Variants in ATP10A observed in about 807,000 individuals in gnomAD.
The protein encoded by ATP10A is ATPase phospholipid transporting 10A (putative).
In ATP10A, 111 loss-of-function variants were observed where a neutral mutation model predicts 147.8. The observed-to-expected ratio is 0.75, with a 90% CI of 0.64 to 0.88. ATP10A has a LOEUF of 0.88. Among genes scored for constraint, ATP10A ranks in the 40% least tolerant of loss-of-function variants. The probability of loss-of-function intolerance (pLI) is 0.00; values close to 1 mark genes in which losing one functional copy is unlikely to be tolerated. For missense variants in ATP10A, 1,927 were observed against 1,959.0 expected (o/e 0.98, Z 0.31); for synonymous variants, 875 against 841.6 (o/e 1.04, Z -0.69).
At chr15:25,864,501 C>T (rs1258671441), upstream of ATP10A, among the ~76,000 whole-genome samples, 1 of 152,180 alleles carries the variant, frequency 6.6e-6, no homozygotes, top group Non-Finnish European at 1.5e-5. Context: ...CCCTCCCCTC[C>T]AGCACCCTGG....
intron 2 of ATP10A, among the ~76,000 whole-genome samples, chr15:25,776,539 C>T (rs1447729114): frequency 3.9e-5 from 6 of 152,240 alleles, no homozygotes; most frequent in African/African-American, 1.4e-4. Context: ...CATTGCCTGA[C>T]AGTGTGATGC....
At chr15:25,786,411 G>T (rs1031913569) in intron 1 of ATP10A, among the ~76,000 whole-genome samples, 15 of 152,144 alleles carry the variant, frequency 9.9e-5, no homozygotes, top group Non-Finnish European at 1.9e-4. Context: ...CATGAAGGCA[G>T]ACAGTCCTCT....
chr15:25,822,707 G>A (rs892800360), intron 1 of ATP10A, among the ~76,000 whole-genome samples: 1 of 152,140 alleles, frequency 6.6e-6, no homozygotes, highest in Non-Finnish European at 1.5e-5. Flanking sequence ...AGAACCTGCT[G>A]CTTAGAAAAT....
intron 1 of ATP10A, among the ~76,000 whole-genome samples, chr15:25,817,014 T>A (rs528911789): frequency 6.6e-6 from 1 of 152,326 alleles, no homozygotes; most frequent in East Asian, 1.9e-4. Context: ...ATTTAGCTAG[T>A]CTATATAATA....
chr15:25,850,562 C>T (rs1423066986), intron 1 of ATP10A, among the ~76,000 whole-genome samples: 1 of 152,154 alleles, frequency 6.6e-6, no homozygotes, highest in African/African-American at 2.4e-5. Flanking sequence ...CCATTCTACG[C>T]GGCCAGTTTT....
intron 1 of ATP10A, among the ~76,000 whole-genome samples, chr15:25,792,618 C>A (rs1001881256): frequency 2.0e-5 from 3 of 152,192 alleles, no homozygotes; most frequent in African/African-American, 4.8e-5. Flanking sequence ...ACCCCAACCC[C>A]CCAAGCACTG....
chr15:25,825,741 A>G (rs574572415), intron 1 of ATP10A, among the ~76,000 whole-genome samples: 1 of 152,190 alleles, frequency 6.6e-6, no homozygotes, highest in Non-Finnish European at 1.5e-5. Context: ...AAAAGAATTC[A>G]ATTTCCAAAG....
intron 1 of ATP10A, among the ~76,000 whole-genome samples, chr15:25,828,184 T>C (rs1306082096): frequency 3.3e-5 from 5 of 151,940 alleles, no homozygotes; most frequent in Non-Finnish European, 7.4e-5. Context: ...AAGGATGAAA[T>C]AGACAATTTA....
downstream of ATP10A, among the ~76,000 whole-genome samples, chr15:25,673,527 C>A (rs1899081955): frequency 6.6e-6 from 1 of 152,218 alleles, no homozygotes; most frequent in South Asian, 2.1e-4. Context: ...AGGACTTTCA[C>A]AAGCATGAAC....
Position 25,694,859 on chromosome 15 carries a change from C to CTTCA in ATP10A, c.3044_3047dup (p.Lys1016AsnfsTer17). The CTTCA allele has an allele frequency of 6.2e-7, 1 of 1,614,016 alleles. No homozygotes were observed. The highest frequency in any genetic ancestry group is 8.5e-7 in the Non-Finnish European group (1 of 1,179,954). ...TGGCCTTGAGCTTGCTCCGCACCAG[C>CTTCA]TTCACCACCATGCTCTTCTGCAGAG... is the stretch of plus-strand genomic sequence containing the variant. On this transcript the variant is annotated frameshift_variant, in exon 14 of 21. Coordinates refer to ENST00000555815, the MANE Select transcript of ATP10A (RefSeq NM_024490.4). LOFTEE classifies it high-confidence loss of function.
chr15:25,797,850 C>T (rs1277893971), intron 1 of ATP10A, among the ~76,000 whole-genome samples: 4 of 152,088 alleles, frequency 2.6e-5, no homozygotes, highest in Admixed American at 6.5e-5. Context: ...CCATGCTACC[C>T]GATCTCACCC....
intron 19 of ATP10A, 133 bp from the exon 20 acceptor site, chr15:25,680,441 C>A: frequency 1.0e-6 from 1 of 970,874 alleles, no homozygotes; most frequent in East Asian, 2.6e-5. Context: ...CGGTCTATGA[C>A]GCGGGTAACC....
At position 25,738,714 on chromosome 15, in the gene ATP10A, C is replaced by T. The variant is rs1270717865; in HGVS notation, c.655-2573G>A. On this transcript the variant is annotated intron_variant, in intron 2 of 20. Coordinates refer to ENST00000555815, the MANE Select transcript of ATP10A (RefSeq NM_024490.4). ...CTTTCAGTACAAGTACATAAAGTCT[C>T]CCTCGCCAGTAATTCGTGAGGGCAC... 3 of 152,196 alleles carry T rather than the reference C, an allele frequency of 2.0e-5. No homozygotes were observed. In the East Asian group the frequency reaches 5.8e-4, roughly 29 times the overall value. 9.4% of individuals were successfully genotyped at this position (152,196 alleles called of 1,614,324 possible). A position where few individuals can be genotyped will look rare whatever the true frequency, so the allele number is the denominator to read the frequency against.
At chr15:25,687,601 A>T in intron 16 of ATP10A, 102 bp downstream of exon 16, 1 of 754,012 alleles carries the variant, frequency 1.3e-6, no homozygotes, top group Non-Finnish European at 1.6e-6. Context: ...CAGGTTGTCC[A>T]TGGCCTCCCA....
intron 2 of ATP10A, among the ~76,000 whole-genome samples, chr15:25,736,915 T>C (rs1443211876): frequency 1.3e-5 from 2 of 152,172 alleles, no homozygotes; most frequent in Non-Finnish European, 2.9e-5. Context: ...TAATGACACA[T>C]ACAAAAAGTG....
chr15:25,709,983 G>C (rs994577133), intron 10 of ATP10A: 1 of 152,410 alleles, frequency 6.6e-6, no homozygotes, highest in South Asian at 2.1e-4. Context: ...GGGAACCTCC[G>C]AAGGAGAATG....
chr15:25,712,514 C>T (rs1451834103), intron 10 of ATP10A, among the ~76,000 whole-genome samples: 1 of 139,848 alleles, frequency 7.2e-6, no homozygotes, highest in Non-Finnish European at 1.5e-5. Flanking sequence ...TGTCTTGAAC[C>T]CAAGGCTGTG....
chr15:25,763,038 C>T (rs1482665527), intron 2 of ATP10A, among the ~76,000 whole-genome samples: 2 of 152,046 alleles, frequency 1.3e-5, no homozygotes, highest in Non-Finnish European at 2.9e-5. Context: ...AAGACTCTTA[C>T]TGAGCAGCTA....
At chr15:25,844,160 A>G (rs1018286640) in intron 1 of ATP10A, among the ~76,000 whole-genome samples, 3 of 152,224 alleles carry the variant, frequency 2.0e-5, no homozygotes, top group Admixed American at 6.5e-5. Flanking sequence ...CTTTGCTCGC[A>G]TATTTGTTAT....
Sources: allele counts gnomAD v4.1 joint callset (sites outside exome capture counted in the v4.1 genomes callset), GRCh38; gene constraint gnomAD v4.1.1; transcripts MANE v1.5; gene names NCBI Gene and HGNC (gene_info 2026-07-23, HGNC 2026-07-21).